The following ADA variants were observed in gnomAD, a reference collection of about 807,000 sequenced individuals.
ADA encodes adenosine deaminase, also known as adenosine aminohydrolase.
In ADA, 45 loss-of-function variants were observed where a neutral mutation model predicts 49.0. That is an observed-to-expected ratio of 0.92 (90% CI 0.72 to 1.18). ADA has a LOEUF of 1.18. ADA is among the 50% of genes most tolerant of loss of function. The pLI is 0.00. For missense variants in ADA, 445 were observed against 472.5 expected (o/e 0.94, Z 0.54); for synonymous variants, 173 against 184.2 (o/e 0.94, Z 0.49).
At chr20:44,623,220 A>G in intron 6 of ADA, 142 bp from the exon 7 acceptor site, 1 of 1,247,780 alleles carries the variant, frequency 8.0e-7, no homozygotes, top group Non-Finnish European at 1.1e-6. Flanking sequence ...TTTACCCTCC[A>G]AGTCCTTATC....
chr20:44,648,459 C>T (rs1445777304), intron 1 of ADA, among the ~76,000 whole-genome samples: 1 of 152,076 alleles, frequency 6.6e-6, no homozygotes, highest in East Asian at 1.9e-4. Flanking sequence ...ACTGACCATA[C>T]AGGGGTATAG....
intron 2 of ADA, among the ~76,000 whole-genome samples, chr20:44,631,887 C>T (rs972344447): frequency 4.7e-4 from 71 of 152,150 alleles, no homozygotes; most frequent in African/African-American, 1.6e-3. Context: ...GCAGGCATCT[C>T]GCGCCACCTT....
intron 5 of ADA, 123 bp downstream of exon 5, chr20:44,625,446 G>T: frequency 1.1e-6 from 1 of 882,472 alleles, no homozygotes; most frequent in Non-Finnish European, 1.8e-6. Flanking sequence ...ATGCCAGTGG[G>T]CTCAAGGGGA....
At position 44,626,594 on chromosome 20, in the gene ADA, C is replaced by T. The variant is rs2065385037; in HGVS notation, c.224G>A (p.Cys75Tyr). ...GGCGATCCTTTTGATAGCCTCCCGGCAGCCCCTGGGAAGGGAAGAAAGGGG... is the reference window on the plus strand; with the variant it reads ...GGCGATCCTTTTGATAGCCTCCCGGTAGCCCCTGGGAAGGGAAGAAAGGGG... ...FDYYMPAIAG[C>Y]REAIKRIAYE... Residue 75 changes from cysteine to tyrosine, a missense_variant, in exon 4 of 12, where the codon TGC (cysteine) becomes TAC (tyrosine). By Grantham distance (194) the Cys-to-Tyr change is radical. Transcript: ENST00000372874. The T allele has an allele frequency of 6.2e-7, 1 of 1,614,100 alleles. No individual in the cohort carries two copies. Among genetic ancestry groups the T allele is most frequent in the Non-Finnish European group, 8.5e-7 (1 of 1,180,028 alleles).
intron 3 of ADA, among the ~76,000 whole-genome samples, chr20:44,627,470 T>A (rs2065393761): frequency 6.6e-6 from 1 of 152,214 alleles, no homozygotes; most frequent in African/African-American, 2.4e-5. Context: ...CGTGAGCCAC[T>A]GTACCTGGCC....
At chr20:44,643,321 C>T (rs1056033290) in intron 1 of ADA, among the ~76,000 whole-genome samples, 3 of 152,218 alleles carry the variant, frequency 2.0e-5, no homozygotes, top group Non-Finnish European at 2.9e-5. Flanking sequence ...CCAAAACAGT[C>T]AGTGATGGAG....
rs1327923480 is a variant in ADA, at chr20:44,620,604, G to T, written c.976-203C>A. ...TTAATTTGTCATTACATGAAAAAGG[G>T]CTGTGAGAAGGAAGTTGGAGAAACC... is the stretch of plus-strand genomic sequence containing the variant. On this transcript the variant is annotated intron_variant, in intron 10 of 11. Transcript: ENST00000372874. 4.7e-6 allele frequency: 3 copies of T among 636,182 alleles called. No individual in the cohort carries two copies. The East Asian group carries it at 8.4e-5, about 18-fold the overall frequency. The allele number at this position is 636,182 out of a possible 1,614,324, so 39.4% of individuals were successfully genotyped here.
chr20:44,625,890 T>C (rs1011690252), intron 4 of ADA, among the ~76,000 whole-genome samples: 1 of 152,090 alleles, frequency 6.6e-6, no homozygotes, highest in Non-Finnish European at 1.5e-5. Flanking sequence ...TGCTCCTAGA[T>C]CTTAGTGGGA....
At chr20:44,628,281 T>C (rs60326206) in intron 3 of ADA, among the ~76,000 whole-genome samples, 388 of 152,230 alleles carry the variant, frequency 2.5e-3, no homozygotes, top group African/African-American at 9.1e-3. Flanking sequence ...TCCCAGCATT[T>C]TGGGAGGCCG....
At chr20:44,643,273 AT>A (rs1208452042) in intron 1 of ADA, among the ~76,000 whole-genome samples, 1 of 152,166 alleles carries the variant, frequency 6.6e-6, no homozygotes, top group African/African-American at 2.4e-5. Context: ...CTTCACTCCC[AT>A]TTTACTGATG....
intron 10 of ADA, 108 bp downstream of exon 10, chr20:44,620,910 T>G: frequency 6.7e-7 from 1 of 1,485,922 alleles, no homozygotes; most frequent in Non-Finnish European, 9.3e-7. Flanking sequence ...CTTGGACTGT[T>G]GAGGCAGACT....
intron 1 of ADA, among the ~76,000 whole-genome samples, chr20:44,647,076 CAG>C (rs1212892436): frequency 6.6e-6 from 1 of 152,040 alleles, no homozygotes; most frequent in African/African-American, 2.4e-5. Context: ...AAATATGAGA[CAG>C]AAAAGGCACA....
chr20:44,619,939 C>A, intron 11 of ADA, 92 bp from the exon 12 acceptor site: 1 of 1,526,236 alleles, frequency 6.6e-7, no homozygotes, highest in Middle Eastern at 1.7e-4. Flanking sequence ...CAGAAAGGAA[C>A]TCCTTCCTAT....
At chr20:44,651,525 G>A in intron 1 of ADA, 50 bp downstream of exon 1, 1 of 1,514,896 alleles carries the variant, frequency 6.6e-7, no homozygotes, top group Non-Finnish European at 8.8e-7. Flanking sequence ...AAGCCCCTCG[G>A]GCCGCCCAGG....
chr20:44,619,988 A>T (rs2065312453), intron 11 of ADA, 141 bp from the exon 12 acceptor site: 1 of 1,185,782 alleles, frequency 8.4e-7, no homozygotes, highest in Non-Finnish European at 1.2e-6. Flanking sequence ...ACATAGGAAG[A>T]AAGGAGCAGA....
chr20:44,627,789 G>A, intron 3 of ADA, among the ~76,000 whole-genome samples: 1 of 152,212 alleles, frequency 6.6e-6, no homozygotes, highest in Non-Finnish European at 1.5e-5. Context: ...CTGGATGTGG[G>A]AGACACGTGG....
chr20:44,631,358 C>T (rs1473792291), intron 2 of ADA, among the ~76,000 whole-genome samples: 1 of 152,094 alleles, frequency 6.6e-6, no homozygotes, highest in Non-Finnish European at 1.5e-5. Context: ...ACCTGGAGGT[C>T]GGAGCTCAGT....
chr20:44,622,149 G>A (rs2065337981), intron 9 of ADA, among the ~76,000 whole-genome samples: 1 of 152,254 alleles, frequency 6.6e-6, no homozygotes, highest in South Asian at 2.1e-4. Flanking sequence ...GCCAGGCAGG[G>A]TGGAACAGAC....
At chr20:44,620,977 C>T in intron 10 of ADA, 41 bp downstream of exon 10, 1 of 1,612,894 alleles carries the variant, frequency 6.2e-7, no homozygotes. Flanking sequence ...TACCATACTC[C>T]CAAACCCGAG....
Sources: gnomAD v4.1 joint callset for allele counts (sites outside exome capture counted in the v4.1 genomes callset) on GRCh38, gnomAD v4.1.1 for gene constraint, MANE v1.5 for transcripts, NCBI Gene and HGNC (gene_info 2026-07-23, HGNC 2026-07-21) for gene names.